The following GM2A variants were observed in gnomAD, a reference collection of about 807,000 sequenced individuals.
GM2A encodes GM2 ganglioside activator.
A neutral mutation model predicts 12.9 loss-of-function variants in GM2A; 7 were observed. That is an observed-to-expected ratio of 0.54 (90% CI 0.31 to 1.02). The LOEUF (loss-of-function observed/expected upper bound fraction) is 1.02, where lower values mean the gene tolerates loss of function less well. Ranked by LOEUF, GM2A falls within the 50% of genes least tolerant of loss-of-function variation. GM2A has a pLI of 0.05. For missense variants in GM2A, 246 were observed against 241.0 expected, an observed-to-expected ratio of 1.02 and a Z score of -0.14; for synonymous variants, 101 against 96.0, an observed-to-expected ratio of 1.05 and a Z score of -0.30.
In GM2A at chr5:151,267,861, C is replaced by T. The variant is rs181890739; in HGVS notation, c.*410C>T. On this transcript the variant is annotated 3_prime_UTR_variant, in exon 4 of 4. Transcript: ENST00000357164. ...GTTAAAAGCGAAGTGAGAGTATTAA[C>T]GTTTTTGTTCTCCTCCGGCCCCCTG... 1.7e-4 allele frequency: 200 copies of T among 1,162,584 alleles called. No homozygotes were observed. In the African/African-American group the frequency reaches 2.8e-3, roughly 16 times the overall value. The allele number at this position is 1,162,584 out of a possible 1,614,324, so 72.0% of individuals were successfully genotyped here.
At chr5:151,265,657 G>C (rs556257549) in intron 2 of GM2A, among the ~76,000 whole-genome samples, 1 of 152,176 alleles carries the variant, frequency 6.6e-6, no homozygotes. Context: ...TGTTCAGCGC[G>C]TGCCCGGCAC....
At chr5:151,266,137 C>T (rs6896500) in intron 2 of GM2A, among the ~76,000 whole-genome samples, 4,620 of 152,300 alleles carry the variant, frequency 0.03, 199 homozygotes, top group East Asian at 0.093. Context: ...AAGTGCATTT[C>T]AATGCAAGTG....
At chr5:151,258,354 T>C (rs1753730522) in intron 1 of GM2A, among the ~76,000 whole-genome samples, 4 of 152,184 alleles carry the variant, frequency 2.6e-5, no homozygotes, top group Admixed American at 2.6e-4. Context: ...AAGGTAGAAA[T>C]GCCTCCAGTT....
chr5:151,267,715 A>C lies in GM2A; in HGVS notation c.*264A>C, dbSNP rs1753922103. On this transcript the variant is annotated 3_prime_UTR_variant, in exon 4 of 4. Transcript: ENST00000357164. Reference sequence around the variant, plus strand: ...GACCACGTTACTCATCCCCGTTAACATTCTCTCTAAAGAGCCTCGTTCATT... The same window carrying C: ...GACCACGTTACTCATCCCCGTTAACCTTCTCTCTAAAGAGCCTCGTTCATT... 1.4e-6 allele frequency: 2 copies of C among 1,386,092 alleles called. No homozygotes were observed. The highest frequency in any genetic ancestry group is 2.9e-5 in the African/African-American group (2 of 69,446). 85.9% of individuals were successfully genotyped at this position (1,386,092 alleles called of 1,614,324 possible).
chr5:151,253,312 T>A lies in GM2A; in HGVS notation c.81+15T>A. ...ACCTGAAAAAGGTGAGTGCACCCTCTTTTAAGAGTCTGTTTGCAGCCTCCT... is the reference window on the plus strand; with the variant it reads ...ACCTGAAAAAGGTGAGTGCACCCTCATTTAAGAGTCTGTTTGCAGCCTCCT... On this transcript the variant is annotated intron_variant, in intron 1 of 3. Coordinates refer to ENST00000357164, the MANE Select transcript of GM2A (RefSeq NM_000405.5). 2 of 1,595,992 alleles carry A rather than the reference T, an allele frequency of 1.3e-6. No homozygotes were observed. Among genetic ancestry groups the A allele is most frequent in the Non-Finnish European group, 1.7e-6 (2 of 1,163,874 alleles).
At chr5:151,264,777 T>C (rs746217589) in intron 2 of GM2A, among the ~76,000 whole-genome samples, 2 of 152,058 alleles carry the variant, frequency 1.3e-5, no homozygotes, top group African/African-American at 2.4e-5. Flanking sequence ...GTCAGGAGTT[T>C]GAGACCAGCC....
intron 2 of GM2A, among the ~76,000 whole-genome samples, chr5:151,261,432 G>GTTTGTTTGTTTA: frequency 6.6e-6 from 1 of 151,822 alleles, no homozygotes; most frequent in East Asian, 1.9e-4. Context: ...GTTTTTATTT[G>GTTTGTTTGTTTA]TTTGTTTGTT....
Position 151,269,401 on chromosome 5 carries a change from G to A in GM2A, c.*1950G>A, listed in dbSNP as rs763507795. Reference sequence around the variant, plus strand: ...GACCCTTCTGCAGGAGCTTGAGCTTGCTTGTTGTCTCTGCTTCATCGCCAT... The same window carrying A: ...GACCCTTCTGCAGGAGCTTGAGCTTACTTGTTGTCTCTGCTTCATCGCCAT... On this transcript the variant is annotated 3_prime_UTR_variant, in exon 4 of 4. Coordinates refer to ENST00000357164, the MANE Select transcript of GM2A (RefSeq NM_000405.5). The A allele has an allele frequency of 3.0e-6, 3 of 985,406 alleles. No homozygotes were observed. The highest frequency in any genetic ancestry group is 3.5e-5 in the African/African-American group (2 of 57,332). The allele number at this position is 985,406 out of a possible 1,614,324, so 61.0% of individuals were successfully genotyped here.
chr5:151,267,203 G>A, intron 3 of GM2A, 93 bp from the exon 4 acceptor site: 1 of 1,499,358 alleles, frequency 6.7e-7, no homozygotes, highest in Non-Finnish European at 9.2e-7. Flanking sequence ...GAAGAGGGGT[G>A]GTAGTTCATG....
At position 151,270,300 on chromosome 5, in the gene GM2A, G is replaced by A. The variant is rs10076053; in HGVS notation, c.*2849G>A. 0.083 allele frequency: 33,736 copies of A among 405,586 alleles called. 2,992 individuals carry two copies. The highest frequency in any genetic ancestry group is 0.28 in the African/African-American group (13,753 of 48,734). 25.1% of individuals were successfully genotyped at this position (405,586 alleles called of 1,614,324 possible). On this transcript the variant is annotated 3_prime_UTR_variant, in exon 4 of 4. Transcript: ENST00000357164. Reference sequence around the variant, plus strand: ...AAGAAAATGAAGCCATATAAATACAGAAGGAAACGTGGTGGAAATATCCAG... The same window carrying A: ...AAGAAAATGAAGCCATATAAATACAAAAGGAAACGTGGTGGAAATATCCAG...
At chr5:151,264,994 A>AG (rs1248016791) in intron 2 of GM2A, among the ~76,000 whole-genome samples, 2 of 151,830 alleles carry the variant, frequency 1.3e-5, no homozygotes, top group Non-Finnish European at 2.9e-5. Context: ...AAAAAAAAAA[A>AG]GAAGGTGAGG....
chr5:151,254,746 C>A (rs1031386073), intron 1 of GM2A, among the ~76,000 whole-genome samples: 2 of 152,166 alleles, frequency 1.3e-5, no homozygotes, highest in East Asian at 3.8e-4. Flanking sequence ...GCAATATCAT[C>A]TAACACAAAG....
chr5:151,269,138 TC>T lies in GM2A; in HGVS notation c.*1688del. On this transcript the variant is annotated 3_prime_UTR_variant, in exon 4 of 4. Coordinates refer to ENST00000357164, the MANE Select transcript of GM2A (RefSeq NM_000405.5). ...CTCGACATCAAACTGCCTGGATTTT[TC>T]TACCACCCTGTTACATCATAACAAC... 1 of 985,448 alleles carries T rather than the reference TC, an allele frequency of 1.0e-6. No individual in the cohort carries two copies. The allele number at this position is 985,448 out of a possible 1,614,324, so 61.0% of individuals were successfully genotyped here.
chr5:151,255,994 C>T (rs1380633170), intron 1 of GM2A, among the ~76,000 whole-genome samples: 3 of 152,102 alleles, frequency 2.0e-5, no homozygotes, highest in African/African-American at 4.8e-5. Flanking sequence ...CTTCTTGGGG[C>T]TCATGTGATT....
chr5:151,264,140 G>A (rs1013475395), intron 2 of GM2A, among the ~76,000 whole-genome samples: 1 of 152,136 alleles, frequency 6.6e-6, no homozygotes, highest in African/African-American at 2.4e-5. Flanking sequence ...ACTTATTCCA[G>A]CCTTTCAGGC....
rs1022511710 is a variant in GM2A at position 151,268,949 on chromosome 5, C to T, written c.*1498C>T. 1.9e-5 allele frequency: 19 copies of T among 985,306 alleles called. 1 individual carries two copies. Among genetic ancestry groups the T allele is most frequent in the African/African-American group, 1.2e-4 (7 of 57,230 alleles). The allele number at this position is 985,306 out of a possible 1,614,324, so 61.0% of individuals were successfully genotyped here. ...AGTGTCCGGTCCCAAGGACAAGGCT[C>T]TTCCAGTGCTAGGAGAGGTATGAGC... On this transcript the variant is annotated 3_prime_UTR_variant, in exon 4 of 4. Coordinates refer to ENST00000357164, the MANE Select transcript of GM2A (RefSeq NM_000405.5).
intron 2 of GM2A, 121 bp downstream of exon 2, chr5:151,260,037 C>T (rs1753766581): frequency 1.5e-6 from 1 of 678,896 alleles, no homozygotes; most frequent in Admixed American, 2.9e-5. Flanking sequence ...GAGAATAGTA[C>T]AGGACATGTA....
chr5:151,269,438 G>A lies in GM2A; in HGVS notation c.*1987G>A. 1 of 985,352 alleles carries A rather than the reference G, an allele frequency of 1.0e-6. No individual in the cohort carries two copies. Among genetic ancestry groups the A allele is most frequent in the African/African-American group, 1.7e-5 (1 of 57,328 alleles). 61.0% of individuals were successfully genotyped at this position (985,352 alleles called of 1,614,324 possible). ...TGCTTCATCGCCATCCAGCTCCCTTGTTTGCTATTTTGCTTTCCATCACAT... is the reference window on the plus strand; with the variant it reads ...TGCTTCATCGCCATCCAGCTCCCTTATTTGCTATTTTGCTTTCCATCACAT... On this transcript the variant is annotated 3_prime_UTR_variant, in exon 4 of 4. Transcript: ENST00000357164.
intron 2 of GM2A, among the ~76,000 whole-genome samples, chr5:151,265,244 A>G (rs1387841965): frequency 1.3e-5 from 2 of 152,194 alleles, no homozygotes; most frequent in Admixed American, 1.3e-4. Flanking sequence ...CACTCAGACC[A>G]CAGGATGTGC....
Sources: allele counts gnomAD v4.1 joint callset (sites outside exome capture counted in the v4.1 genomes callset), GRCh38; gene constraint gnomAD v4.1.1; transcripts MANE v1.5; gene names NCBI Gene and HGNC (gene_info 2026-07-23, HGNC 2026-07-21).